Variants in VWA5B1 observed in about 807,000 individuals in gnomAD.
VWA5B1 encodes the protein von Willebrand factor A domain containing 5B1.
VWA5B1 carries 115 observed loss-of-function variants against 118.2 expected under a neutral mutation model. The observed-to-expected ratio is 0.97, with a 90% confidence interval of 0.84 to 1.14. VWA5B1 has a LOEUF of 1.14. Among genes scored for constraint, VWA5B1 ranks in the 50% most tolerant of loss-of-function variants. The pLI, the probability that VWA5B1 is intolerant of heterozygous loss-of-function variation, is 0.00. For synonymous variants in VWA5B1, 682 were observed against 658.4 expected (o/e 1.04, Z -0.55); for missense variants, 1,596 against 1,603.8 (o/e 1.00, Z 0.08).
intron 14 of VWA5B1, among the ~76,000 whole-genome samples, chr1:20,342,129 CAAA>C (rs60635945): frequency 8.6e-4 from 119 of 139,156 alleles, no homozygotes; most frequent in East Asian, 6.6e-3. Flanking sequence ...AACTTTATGG[CAAA>C]AAAAAAAAAA....
rs1013083739 is a variant in VWA5B1, at chr1:20,323,418, C to A, written c.1029C>A (p.Asn343Lys). 1 of 1,534,696 alleles carries A rather than the reference C, an allele frequency of 6.5e-7. No homozygotes were observed. The highest frequency in any genetic ancestry group is 2.1e-5 in the Admixed American group (1 of 48,066). The change falls in exon 8 of 22, where the codon AAC becomes AAA. Residue 343 changes from asparagine (N) to lysine (K), a missense_variant. By Grantham distance (94) the Asn-to-Lys change is moderately conservative. Transcript: ENST00000289815. ...DIPHHSVIML[N>K]FCPDLQSVQP... is the part of the protein sequence containing the mutation. ...CCCACCACTCCGTCATCATGCTCAA[C>A]TTCTGTCCCGACCTCCAGTCAGTCC...
chr1:20,349,371 TTTTATTTA>T (rs10667083), intron 18 of VWA5B1: 47 of 149,124 alleles, frequency 3.2e-4, no homozygotes, highest in East Asian at 8.1e-4. Context: ...AAATCCTTTA[TTTTATTTA>T]TTTATTTATT....
Position 20,323,344 on chromosome 1 carries a change from T to C in VWA5B1, c.967-12T>C, listed in dbSNP as rs1200783451. ...CCTGATTGCCCAATCAGAGTGTTCTTTCCTCTTCCAGACAGAAATCATTCG... is the reference window on the plus strand; with the variant it reads ...CCTGATTGCCCAATCAGAGTGTTCTCTCCTCTTCCAGACAGAAATCATTCG... On this transcript the variant is annotated splice_polypyrimidine_tract_variant and intron_variant, in intron 7 of 21. Transcript: ENST00000289815. The C allele has an allele frequency of 1.3e-5, 19 of 1,451,512 alleles. No individual in the cohort carries two copies. The Middle Eastern group carries it at 1.1e-3, about 82-fold the overall frequency. The allele number at this position is 1,451,512 out of a possible 1,614,324, so 89.9% of individuals were successfully genotyped here.
rs532014800 is a variant in VWA5B1 at position 20,317,385 on chromosome 1, T to C, written c.564-145T>C. ...ATCAGAATCCAGGCTCTCCCTGGGG[T>C]CAGGTTGAGTGGGAGAGCACGGGTC... is the stretch of plus-strand genomic sequence containing the variant. On this transcript the variant is annotated intron_variant, in intron 4 of 21. Coordinates refer to ENST00000289815, the MANE Select transcript of VWA5B1 (RefSeq NM_001039500.3). 18 of 1,088,878 alleles carry C rather than the reference T, an allele frequency of 1.7e-5. 1 individual carries two copies. The South Asian group carries it at 2.5e-4, about 15-fold the overall frequency. 67.5% of individuals were successfully genotyped at this position (1,088,878 alleles called of 1,614,324 possible). A position where few individuals can be genotyped will look rare whatever the true frequency, so the allele number is the denominator to read the frequency against.
At chr1:20,317,753 G>A (rs1317978138) in intron 5 of VWA5B1, 78 bp downstream of exon 5, 5 of 542,940 alleles carry the variant, frequency 9.2e-6, no homozygotes, top group African/African-American at 2.0e-5. Flanking sequence ...GACGGGGGTG[G>A]GAAGGAAAGC....
chr1:20,336,370 A>C lies in VWA5B1; in HGVS notation c.1826A>C (p.Gln609Pro), dbSNP rs1316400928. 1 of 1,527,544 alleles carries C rather than the reference A, an allele frequency of 6.5e-7. No individual in the cohort carries two copies. 94.6% of individuals were successfully genotyped at this position (1,527,544 alleles called of 1,614,324 possible). A position where few individuals can be genotyped will look rare whatever the true frequency, so the allele number is the denominator to read the frequency against. Reference sequence around the variant, plus strand: ...GGCAGCTCTGTCTTCTACCACTCTCAGGATGACGGACCCGGGCTGGAAGGT... The same window carrying C: ...GGCAGCTCTGTCTTCTACCACTCTCCGGATGACGGACCCGGGCTGGAAGGT... ...ESGSSVFYHSQDDGPGLEGGD... is the reference protein window; with the variant it reads ...ESGSSVFYHSPDDGPGLEGGD... Residue 609 changes from glutamine (Q) to proline (P), a missense_variant, in exon 13 of 22, where the codon CAG becomes CCG. Physicochemically the swap from Gln to Pro is moderately conservative, Grantham distance 76. Transcript: ENST00000289815.
chr1:20,334,021 G>C (rs945425008), intron 12 of VWA5B1, among the ~76,000 whole-genome samples: 1 of 152,216 alleles, frequency 6.6e-6, no homozygotes, highest in African/African-American at 2.4e-5. Flanking sequence ...GGAGCGGTGA[G>C]GAATATGGCA....
At chr1:20,304,832 C>A (rs968467567) in intron 1 of VWA5B1, among the ~76,000 whole-genome samples, 1 of 152,154 alleles carries the variant, frequency 6.6e-6, no homozygotes, top group Non-Finnish European at 1.5e-5. Flanking sequence ...TGTTTACTGG[C>A]TGTGTGGCCA....
rs1230588665 is a variant in VWA5B1 at position 20,343,413 on chromosome 1, G to T, written c.2626+20G>T. ...AGCAGGGTGAGCGCCACGGAACTGC[G>T]CCCCTCCCGCGGACGGCCTCCGGAG... On this transcript the variant is annotated intron_variant, in intron 16 of 21. Transcript: ENST00000289815. The T allele has an allele frequency of 6.7e-7, 1 of 1,487,392 alleles. No individual in the cohort carries two copies. The highest frequency in any genetic ancestry group is 8.9e-7 in the Non-Finnish European group (1 of 1,119,696). The allele number at this position is 1,487,392 out of a possible 1,614,324, so 92.1% of individuals were successfully genotyped here. A position where few individuals can be genotyped will look rare whatever the true frequency, so the allele number is the denominator to read the frequency against.
chr1:20,311,423 G>A (rs1189633810), intron 2 of VWA5B1, among the ~76,000 whole-genome samples: 1 of 152,220 alleles, frequency 6.6e-6, no homozygotes, highest in Non-Finnish European at 1.5e-5. Flanking sequence ...TGACCCTGGG[G>A]AAGCTGCCAC....
At chr1:20,322,703 T>C (rs2100889380) in intron 7 of VWA5B1, among the ~76,000 whole-genome samples, 1 of 152,348 alleles carries the variant, frequency 6.6e-6, no homozygotes. Flanking sequence ...GGCTGCTGTT[T>C]AGAGGCCATT....
chr1:20,349,103 A>C (rs1394050021), intron 18 of VWA5B1: 1 of 361,060 alleles, frequency 2.8e-6, no homozygotes, highest in Middle Eastern at 3.8e-4. Flanking sequence ...TCCAGGTCCT[A>C]GAAAGTGCTC....
chr1:20,297,289 A>G (rs914044494), intron 1 of VWA5B1, among the ~76,000 whole-genome samples: 2 of 152,248 alleles, frequency 1.3e-5, no homozygotes, highest in African/African-American at 4.8e-5. Context: ...TGCTCTTGCC[A>G]CATGTACAAA....
Position 20,355,797 on chromosome 1 carries a change from C to G in VWA5B1, c.*1534C>G, listed in dbSNP as rs1411359912. 1.4e-5 allele frequency among the ~76,000 whole-genome samples: 2 copies of G among 140,674 alleles called. No homozygotes were observed. The highest frequency in any genetic ancestry group is 3.1e-5 in the Non-Finnish European group (2 of 64,116). 92.3% of individuals were successfully genotyped at this position (140,674 alleles called of 152,430 possible). ...AGCCCCAACATGATATGGTGCCCTG[C>G]CCCCCACCCCCACCCCTCCATCTAT... On this transcript the variant is annotated 3_prime_UTR_variant, in exon 22 of 22. Transcript: ENST00000289815.
chr1:20,340,570 GC>G (rs1232752981), intron 14 of VWA5B1, among the ~76,000 whole-genome samples: 1 of 152,150 alleles, frequency 6.6e-6, no homozygotes, highest in Non-Finnish European at 1.5e-5. Context: ...TTAACTGTTG[GC>G]CTAAAAAACT....
intron 12 of VWA5B1, among the ~76,000 whole-genome samples, chr1:20,336,059 A>C (rs1236755063): frequency 1.3e-5 from 2 of 152,246 alleles, no homozygotes; most frequent in Non-Finnish European, 2.9e-5. Context: ...TACATTTAAA[A>C]AAATTTAATG....
Position 20,353,915 on chromosome 1 carries a change from G to T in VWA5B1, c.3300G>T (p.Gln1100His). The T allele has an allele frequency of 6.5e-7, 1 of 1,549,394 alleles. No individual in the cohort carries two copies. The highest frequency in any genetic ancestry group is 1.2e-5 in the South Asian group (1 of 83,602). ...CTGAGTCCAAGACCCCGAGTCCCCA[G>T]CTGTGCACCAGCTCCCCGCCTAGGC... ...RPSESKTPSP[Q>H]LCTSSPPRHP... The change falls in exon 22 of 22, where the codon CAG becomes CAT. Residue 1100 changes from glutamine to histidine, a missense_variant. By Grantham distance (24) the Gln-to-His change is conservative (BLOSUM62 0). Transcript: ENST00000289815.
At chr1:20,297,353 T>A (rs1385234449) in intron 1 of VWA5B1, among the ~76,000 whole-genome samples, 1 of 152,260 alleles carries the variant, frequency 6.6e-6, no homozygotes, top group Non-Finnish European at 1.5e-5. Flanking sequence ...CCATGATCGC[T>A]GTGGCAGAGA....
rs138708460 is a variant in VWA5B1, at chr1:20,351,198, C to A, written c.3023+272C>A. On this transcript the variant is annotated intron_variant, in intron 20 of 21. Coordinates refer to ENST00000289815, the MANE Select transcript of VWA5B1 (RefSeq NM_001039500.3). ...GGCTGACATAAAACTCTTCTGACCA[C>A]TGGACTGGACAAGAATGTGATAGTA... 3.5e-3 allele frequency among the ~76,000 whole-genome samples: 530 copies of A among 152,320 alleles called. 4 individuals carry two copies. The highest frequency in any genetic ancestry group is 0.012 in the African/African-American group (498 of 41,568).
Sources: gnomAD v4.1 joint callset for allele counts (sites outside exome capture counted in the v4.1 genomes callset) on GRCh38, gnomAD v4.1.1 for gene constraint, MANE v1.5 for transcripts, NCBI Gene and HGNC (gene_info 2026-07-23, HGNC 2026-07-21) for gene names.